SLC32A1: variants seen among roughly 807,000 people sequenced by gnomAD.
SLC32A1 encodes the protein solute carrier family 32 member 1.
In SLC32A1, 8 loss-of-function variants were observed where a neutral mutation model predicts 35.5. The observed-to-expected ratio is 0.23, with a 90% confidence interval of 0.13 to 0.41. SLC32A1 has a LOEUF of 0.41. SLC32A1 is among the 10% of genes least tolerant of loss of function. The probability of loss-of-function intolerance (pLI) is 1.00; values close to 1 mark genes in which losing one functional copy is unlikely to be tolerated. For missense variants in SLC32A1, 493 were observed against 722.3 expected, an observed-to-expected ratio of 0.68 and a Z score of 3.64; for synonymous variants, 317 against 326.3, an observed-to-expected ratio of 0.97 and a Z score of 0.31.
At chr20:38,725,629 C>T (rs1005512256) in intron 1 of SLC32A1, among the ~76,000 whole-genome samples, 1 of 152,108 alleles carries the variant, frequency 6.6e-6, no homozygotes, top group Non-Finnish European at 1.5e-5. Context: ...GGCGCAGGCA[C>T]AGGCGCACAC....
chr20:38,727,325 C>T, intron 1 of SLC32A1, 127 bp from the exon 2 acceptor site: 1 of 859,496 alleles, frequency 1.2e-6, no homozygotes, highest in Non-Finnish European at 1.8e-6. Context: ...TCCCCGGCGG[C>T]TCAGACCCAA....
rs1250407237 is a variant in SLC32A1 at position 38,725,189 on chromosome 20, C to G, written c.390+75C>G. On this transcript the variant is annotated intron_variant, in intron 1 of 1. Transcript: ENST00000217420. Reference sequence around the variant, plus strand: ...CGTGCCGGGCTCTGCCCCCGACAGTCGCCCGGTGATCTCGGCCTGGAGACC... The same window carrying G: ...CGTGCCGGGCTCTGCCCCCGACAGTGGCCCGGTGATCTCGGCCTGGAGACC... 9.5e-6 allele frequency: 14 copies of G among 1,474,516 alleles called. No homozygotes were observed. The South Asian group carries it at 1.0e-4, about 11-fold the overall frequency. The allele number at this position is 1,474,516 out of a possible 1,614,324, so 91.3% of individuals were successfully genotyped here.
rs2084275920 is a variant in SLC32A1, at chr20:38,726,321, G to T, written c.391-1131G>T. Among the ~76,000 whole-genome samples the T allele has an allele frequency of 6.6e-6, 1 of 152,080 alleles. No homozygotes were observed. The highest frequency in any genetic ancestry group is 6.5e-5 in the Admixed American group (1 of 15,290). ...ATCGGGGTAAGCAGGACTCCACCGG[G>T]CCCCGAACACCAGATGGCCCGACCC... On this transcript the variant is annotated intron_variant, in intron 1 of 1. Coordinates refer to ENST00000217420, the MANE Select transcript of SLC32A1 (RefSeq NM_080552.3). This position sits in a 1 kb window ranked among gnomAD's most constrained non-coding sequence, Gnocchi z 4.7.
intron 1 of SLC32A1, among the ~76,000 whole-genome samples, chr20:38,725,416 C>A (rs915933065): frequency 2.0e-5 from 3 of 152,066 alleles, no homozygotes; most frequent in Non-Finnish European, 4.4e-5. Flanking sequence ...GAGCAGGAAG[C>A]GATGAGAAAG....
At chr20:38,725,185 C>T (rs1036596853) in intron 1 of SLC32A1, 71 bp downstream of exon 1, 12 of 1,482,584 alleles carry the variant, frequency 8.1e-6, no homozygotes, top group Non-Finnish European at 4.5e-6. Context: ...CTGCCCCCGA[C>T]AGTCGCCCGG....
At chr20:38,727,382 G>A in intron 1 of SLC32A1, 70 bp from the exon 2 acceptor site, 2 of 1,459,980 alleles carry the variant, frequency 1.4e-6, no homozygotes, top group South Asian at 1.2e-5. Context: ...GTTAAGCCAC[G>A]CCCCCCGGGC....
At position 38,726,927 on chromosome 20, in the gene SLC32A1, G is replaced by T. The variant is rs1239465086; in HGVS notation, c.391-525G>T. On this transcript the variant is annotated intron_variant, in intron 1 of 1. Coordinates refer to ENST00000217420, the MANE Select transcript of SLC32A1 (RefSeq NM_080552.3). This position sits in a 1 kb window ranked among gnomAD's most constrained non-coding sequence, Gnocchi z 4.7. Reference sequence around the variant, plus strand: ...TCCTCCTCTGGTCTGAGCCTGAGACGCCCGAGTTTTCCTCTTTAGCTCCCG... The same window carrying T: ...TCCTCCTCTGGTCTGAGCCTGAGACTCCCGAGTTTTCCTCTTTAGCTCCCG... 6.6e-6 allele frequency among the ~76,000 whole-genome samples: 1 copy of T among 151,974 alleles called. No homozygotes were observed. Among genetic ancestry groups the T allele is most frequent in the Non-Finnish European group, 1.5e-5 (1 of 68,012 alleles).
rs752996684 is a variant in SLC32A1 at position 38,728,290 on chromosome 20, T to C, written c.1229T>C (p.Phe410Ser). ...GTCGAGGTGCTGGAGAAGTCGCTCT[T>C]CCAGGAAGGCAGCCGCGCCTTTTTC... ...AAVEVLEKSL[F>S]QEGSRAFFPA... The change falls in exon 2 of 2, where the codon TTC becomes TCC. Residue 410 changes from phenylalanine (F) to serine (S), a missense_variant. This residue lies in a region of SLC32A1 where 269 missense variants were observed against 445.6 expected (regional missense o/e 0.60). Transcript: ENST00000217420. 1 of 1,613,594 alleles carries C rather than the reference T, an allele frequency of 6.2e-7. No homozygotes were observed. Among genetic ancestry groups the C allele is most frequent in the Non-Finnish European group, 8.5e-7 (1 of 1,179,612 alleles).
intron 1 of SLC32A1, 54 bp from the exon 2 acceptor site, chr20:38,727,398 A>T: frequency 6.5e-7 from 1 of 1,550,328 alleles, no homozygotes; most frequent in Non-Finnish European, 8.8e-7. Context: ...CGGGCCCCTC[A>T]TCCGTTGCCA....
chr20:38,728,056 A>T lies in SLC32A1; in HGVS notation c.995A>T (p.Gln332Leu). The T allele has an allele frequency of 6.2e-7, 1 of 1,614,034 alleles. No individual in the cohort carries two copies. The highest frequency in any genetic ancestry group is 8.5e-7 in the Non-Finnish European group (1 of 1,180,050). The change falls in exon 2 of 2, where the codon CAG becomes CTG. Residue 332 changes from glutamine (Q) to leucine (L), a missense_variant. Physicochemically the swap from Gln to Leu is moderately radical, Grantham distance 113. Transcript: ENST00000217420. ...CCTTCGCTGGAGGGCAATATGCAGCAGCCCAGCGAGTTCCACTGCATGATG... is the reference window on the plus strand; with the variant it reads ...CCTTCGCTGGAGGGCAATATGCAGCTGCCCAGCGAGTTCCACTGCATGATG... ...FLPSLEGNMQ[Q>L]PSEFHCMMNW...
intron 1 of SLC32A1, among the ~76,000 whole-genome samples, chr20:38,725,934 C>T (rs1213256501): frequency 2.0e-5 from 3 of 152,230 alleles, no homozygotes; most frequent in African/African-American, 7.2e-5. Flanking sequence ...CCCCTCTCGC[C>T]CGAAATCCCG....
In SLC32A1 at chr20:38,727,432, G is replaced by T. The variant is rs758061002; in HGVS notation, c.391-20G>T. ...CAAGTTCGCTGAGCGTCCGCGTCTGGTTGCCTCTCCGCCCCACAGGGCATG... is the reference window on the plus strand; with the variant it reads ...CAAGTTCGCTGAGCGTCCGCGTCTGTTTGCCTCTCCGCCCCACAGGGCATG... On this transcript the variant is annotated intron_variant, in intron 1 of 1. Transcript: ENST00000217420. 8.1e-6 allele frequency: 13 copies of T among 1,598,318 alleles called. No homozygotes were observed. Among genetic ancestry groups the T allele is most frequent in the Non-Finnish European group, 1.0e-5 (12 of 1,172,650 alleles).
In SLC32A1 at chr20:38,728,825, G is replaced by T; in HGVS notation, c.*186G>T. ...GGGACAGGGATTCACGATCCATCGC[G>T]TCTGCGTTTCTGTTGTCCTTTCTTT... is the stretch of plus-strand genomic sequence containing the variant. On this transcript the variant is annotated 3_prime_UTR_variant, in exon 2 of 2. Transcript: ENST00000217420. 3.3e-6 allele frequency: 2 copies of T among 604,982 alleles called. No homozygotes were observed. Among genetic ancestry groups the T allele is most frequent in the South Asian group, 4.5e-5 (2 of 44,238 alleles). The allele number at this position is 604,982 out of a possible 1,614,324, so 37.5% of individuals were successfully genotyped here.
chr20:38,728,477 G>GC lies in SLC32A1; in HGVS notation c.1419dup (p.Ser474GlnfsTer90). The GC allele has an allele frequency of 6.2e-7, 1 of 1,613,194 alleles. No homozygotes were observed. The highest frequency in any genetic ancestry group is 8.5e-7 in the Non-Finnish European group (1 of 1,179,950). ...CGGGCGCCGGCCTCTGTTTCTTGCT[G>GC]CCCAGCCTCTTTCACCTGCGCCTGC... is the stretch of plus-strand genomic sequence containing the variant. On this transcript the variant is annotated frameshift_variant, in exon 2 of 2. Transcript: ENST00000217420. LOFTEE classifies it high-confidence loss of function.
In SLC32A1 at chr20:38,724,769, C is replaced by T. The variant is rs2084267887; in HGVS notation, c.45C>T (p.Ser15=). 3 of 1,613,520 alleles carry T rather than the reference C, an allele frequency of 1.9e-6. No homozygotes were observed. Among genetic ancestry groups the T allele is most frequent in the Non-Finnish European group, 2.5e-6 (3 of 1,180,004 alleles). The change falls in exon 1 of 2, where the codon TCC becomes TCT. Residue 15 remains serine, a synonymous_variant. Transcript: ENST00000217420. Reference sequence around the variant, plus strand: ...GCAAGCTGTCCAACGTGGCCACGTCCGTGTCCAACAAGTCCCAGGCCAAGA... The same window carrying T: ...GCAAGCTGTCCAACGTGGCCACGTCTGTGTCCAACAAGTCCCAGGCCAAGA... ...LRSKLSNVAT[S]VSNKSQAKMS...
rs200765423 is a variant in SLC32A1, at chr20:38,725,066, C to G, written c.342C>G (p.Pro114=). The change falls in exon 1 of 2, where the codon CCC becomes CCG. Residue 114 remains proline, a synonymous_variant. Coordinates refer to ENST00000217420, the MANE Select transcript of SLC32A1 (RefSeq NM_080552.3). ...GGGEFGGHDK[P]KITAWEAGWN... ...GCGAATTCGGGGGCCACGACAAGCC[C>G]AAAATCACGGCGTGGGAGGCAGGCT... 3.0e-4 allele frequency: 452 copies of G among 1,520,286 alleles called. 1 individual carries two copies. The highest frequency in any genetic ancestry group is 3.6e-4 in the Non-Finnish European group (413 of 1,135,874). 94.2% of individuals were successfully genotyped at this position (1,520,286 alleles called of 1,614,324 possible).
In SLC32A1 at chr20:38,727,886, C is replaced by A. The variant is rs748614601; in HGVS notation, c.825C>A (p.Phe275Leu). 3 of 1,614,250 alleles carry A rather than the reference C, an allele frequency of 1.9e-6. No homozygotes were observed. The highest frequency in any genetic ancestry group is 2.2e-5 in the East Asian group (1 of 44,888). ...GTCTGCTGTGCACTCTGGCCCACTT[C>A]GTCATCAATATCCTGGTCATAGCCT... is the stretch of plus-strand genomic sequence containing the variant. ...KFSLLCTLAH[F>L]VINILVIAYC... Residue 275 changes from phenylalanine (F) to leucine (L), a missense_variant, in exon 2 of 2, where the codon TTC becomes TTA. Physicochemically the swap from Phe to Leu is conservative, Grantham distance 22. Transcript: ENST00000217420.
chr20:38,726,561 C>G lies in SLC32A1; in HGVS notation c.391-891C>G, dbSNP rs2084277044. ...CTTAGTCCCCGTGTGGATTCTAAAC[C>G]CTACAGCCCTGTCCGCCTGACCCTG... is the stretch of plus-strand genomic sequence containing the variant. On this transcript the variant is annotated intron_variant, in intron 1 of 1. Transcript: ENST00000217420. The surrounding 1 kb of genome is among the most constrained non-coding windows in gnomAD (Gnocchi z 4.7). Among the ~76,000 whole-genome samples, 1 of 152,166 alleles carries G rather than the reference C, an allele frequency of 6.6e-6. No homozygotes were observed. Among genetic ancestry groups the G allele is most frequent in the South Asian group, 2.1e-4 (1 of 4,832 alleles).
Position 38,724,673 on chromosome 20 carries a change from G to A in SLC32A1, c.-52G>A, listed in dbSNP as rs756295544. 6.5e-7 allele frequency: 1 copy of A among 1,534,174 alleles called. No homozygotes were observed. The highest frequency in any genetic ancestry group is 8.7e-7 in the Non-Finnish European group (1 of 1,145,034). ...CCCAGCCCTCGCCTTCTTGCATCGC[G>A]TTCCCCGCATCCTCGGGTCCTTCTG... On this transcript the variant is annotated 5_prime_UTR_variant, in exon 1 of 2. Transcript: ENST00000217420.
Sources: gnomAD v4.1 joint callset for allele counts (sites outside exome capture counted in the v4.1 genomes callset) on GRCh38, gnomAD v4.1.1 for gene constraint, gnomAD v4.1.1 regional missense constraint, Gnocchi (gnomAD v3.1) non-coding constraint, MANE v1.5 for transcripts, NCBI Gene and HGNC (gene_info 2026-07-23, HGNC 2026-07-21) for gene names.